AIG1: variants seen among roughly 807,000 people sequenced by gnomAD.
AIG1 encodes androgen induced 1, also known as androgen-induced gene 1 protein.
A neutral mutation model predicts 31.4 loss-of-function variants in AIG1; 23 were observed. The ratio of observed to expected loss-of-function variants is 0.73; its 90% confidence interval spans 0.53 to 1.04. AIG1 has a LOEUF of 1.04. Among genes scored for constraint, AIG1 ranks in the 50% least tolerant of loss-of-function variants. The pLI is 0.00. For missense variants in AIG1, 274 were observed against 295.0 expected (o/e 0.93, Z 0.52); for synonymous variants, 100 against 110.5 (o/e 0.90, Z 0.60).
rs1052556073 is a variant in AIG1, at chr6:143,329,225, C to A, written c.516-4057C>A. Among the ~76,000 whole-genome samples the A allele has an allele frequency of 1.3e-5, 2 of 152,192 alleles. No individual in the cohort carries two copies. The highest frequency in any genetic ancestry group is 4.1e-4 in the South Asian group (2 of 4,824). ...ATTTTGGAGACAATATTGAATGCCT[C>A]ATTTAGGGAAGCAAGTCCATGCAGC... On this transcript the variant is annotated intron_variant, in intron 4 of 5. Coordinates refer to ENST00000357847, the MANE Select transcript of AIG1 (RefSeq NM_016108.4). The surrounding 1 kb of genome is among the most constrained non-coding windows in gnomAD (Gnocchi z 4.9).
chr6:143,134,410 T>C (rs1783544149), intron 1 of AIG1, among the ~76,000 whole-genome samples: 1 of 151,554 alleles, frequency 6.6e-6, no homozygotes, highest in Admixed American at 6.6e-5. Context: ...TTTTTTTTTT[T>C]TTTGGTTTAA....
chr6:143,109,694 G>A (rs1311870253), intron 1 of AIG1, among the ~76,000 whole-genome samples: 3 of 152,044 alleles, frequency 2.0e-5, no homozygotes, highest in Non-Finnish European at 2.9e-5. Context: ...AATGACGTGT[G>A]TGTTAAAGTC....
intron 1 of AIG1, among the ~76,000 whole-genome samples, chr6:143,109,899 C>T (rs1179756356): frequency 5.3e-5 from 8 of 152,110 alleles, no homozygotes; most frequent in Middle Eastern, 3.4e-3. Context: ...CTTATTAATC[C>T]ATTCTATTAT....
intron 4 of AIG1, among the ~76,000 whole-genome samples, chr6:143,289,467 T>C (rs1797906359): frequency 1.3e-5 from 2 of 152,166 alleles, no homozygotes; most frequent in South Asian, 4.1e-4. Context: ...GTGAGTTCCA[T>C]TTTTCAGGTT....
chr6:143,146,013 A>G (rs1784670927), intron 2 of AIG1, among the ~76,000 whole-genome samples: 1 of 152,182 alleles, frequency 6.6e-6, no homozygotes, highest in Non-Finnish European at 1.5e-5. Context: ...TTTCTTACAC[A>G]TTTGATGAAA....
chr6:143,244,072 A>G (rs1228484059), intron 3 of AIG1, among the ~76,000 whole-genome samples: 2 of 152,230 alleles, frequency 1.3e-5, no homozygotes, highest in African/African-American at 2.4e-5. Flanking sequence ...CCTGCCCTCA[A>G]ATAGCTGGCA....
At chr6:143,303,194 T>A (rs1385579207) in intron 4 of AIG1, among the ~76,000 whole-genome samples, 2 of 151,548 alleles carry the variant, frequency 1.3e-5, no homozygotes, top group Non-Finnish European at 3.0e-5. Context: ...ACTCTGATGG[T>A]AGTTTCTTTT....
intron 1 of AIG1, among the ~76,000 whole-genome samples, chr6:143,126,481 C>G (rs1046066962): frequency 1.3e-5 from 2 of 152,182 alleles, no homozygotes; most frequent in Non-Finnish European, 2.9e-5. Flanking sequence ...CTCTTGATAA[C>G]AGGGAGAAAG....
At position 143,325,637 on chromosome 6, in the gene AIG1, A is replaced by G. The variant is rs987743206; in HGVS notation, c.516-7645A>G. 1.3e-4 allele frequency among the ~76,000 whole-genome samples: 20 copies of G among 152,230 alleles called. No individual in the cohort carries two copies. Among genetic ancestry groups the G allele is most frequent in the African/African-American group, 4.6e-4 (19 of 41,464 alleles). On this transcript the variant is annotated intron_variant, in intron 4 of 5. Transcript: ENST00000357847. The surrounding 1 kb of genome is among the most constrained non-coding windows in gnomAD (Gnocchi z 4.3). ...ACTCATCTCAGTTTCCTCATTGCCT[A>G]AATCTAATCAATCACCATGTTGTCT...
chr6:143,171,462 ATATT>A (rs1247922508), intron 3 of AIG1, among the ~76,000 whole-genome samples: 2 of 52,282 alleles, frequency 3.8e-5, no homozygotes, highest in African/African-American at 3.4e-4. Flanking sequence ...TTTAATATAT[ATATT>A]TAATATATAT....
At chr6:143,300,477 G>A (rs1457144537) in intron 4 of AIG1, among the ~76,000 whole-genome samples, 17 of 152,140 alleles carry the variant, frequency 1.1e-4, no homozygotes, top group African/African-American at 2.4e-5. Context: ...AAAAGAATAA[G>A]TTACCAGCCA....
intron 1 of AIG1, among the ~76,000 whole-genome samples, chr6:143,090,086 A>G (rs949867365): frequency 1.1e-4 from 17 of 152,224 alleles, no homozygotes; most frequent in Admixed American, 1.0e-3. Context: ...TTTAGGATGA[A>G]ACTAATTGCT....
At chr6:143,115,162 A>G (rs6936192) in intron 1 of AIG1, among the ~76,000 whole-genome samples, 11,525 of 152,268 alleles carry the variant, frequency 0.076, 835 homozygotes, top group East Asian at 0.38. Flanking sequence ...ATTCCACTGA[A>G]CTAAACATTC....
chr6:143,138,510 C>A (rs1472714721), intron 2 of AIG1, among the ~76,000 whole-genome samples: 1 of 151,810 alleles, frequency 6.6e-6, no homozygotes, highest in Non-Finnish European at 1.5e-5. Context: ...TACATTTTTT[C>A]TTTTTTAACG....
At chr6:143,294,615 A>G (rs983307831) in intron 4 of AIG1, among the ~76,000 whole-genome samples, 1 of 152,216 alleles carries the variant, frequency 6.6e-6, no homozygotes, top group Non-Finnish European at 1.5e-5. Flanking sequence ...CAGAGAATGT[A>G]CTGTGGCTTC....
intron 3 of AIG1, among the ~76,000 whole-genome samples, chr6:143,176,596 T>G (rs1485117457): frequency 6.6e-6 from 1 of 152,134 alleles, no homozygotes. Flanking sequence ...TAGCTGTCTC[T>G]GCTGTGTGAC....
chr6:143,086,915 G>T (rs558272463), intron 1 of AIG1, among the ~76,000 whole-genome samples: 12 of 152,212 alleles, frequency 7.9e-5, no homozygotes, highest in Non-Finnish European at 1.5e-4. Context: ...CAGGACGACA[G>T]CTCTCTGCCT....
At chr6:143,134,348 AT>A (rs201958458) in intron 1 of AIG1, among the ~76,000 whole-genome samples, 7 of 118,426 alleles carry the variant, frequency 5.9e-5, no homozygotes, top group African/African-American at 6.3e-5. Flanking sequence ...TTATCTTTGC[AT>A]TTTTTTTTGA....
At chr6:143,188,840 C>T (rs1789522499) in intron 3 of AIG1, 4 of 985,198 alleles carry the variant, frequency 4.1e-6, no homozygotes, top group Non-Finnish European at 4.8e-6. Context: ...TTCCTTTTTA[C>T]ACTGCCTGGG....
Sources: gnomAD v4.1 joint callset for allele counts (sites outside exome capture counted in the v4.1 genomes callset) on GRCh38, gnomAD v4.1.1 for gene constraint, Gnocchi (gnomAD v3.1) non-coding constraint, MANE v1.5 for transcripts, NCBI Gene and HGNC (gene_info 2026-07-23, HGNC 2026-07-21) for gene names.